Variants in ANHX observed in about 807,000 individuals in gnomAD.
The protein encoded by ANHX is anomalous homeobox.
Under a neutral mutation model 38.9 loss-of-function variants are expected in ANHX, and 20 were observed. That is an observed-to-expected ratio of 0.51 (90% confidence interval 0.36 to 0.75). The LOEUF (loss-of-function observed/expected upper bound fraction) is 0.75. ANHX is among the 30% of genes least tolerant of loss of function. The probability of loss-of-function intolerance (pLI) is 0.00; values close to 1 mark genes in which losing one functional copy is unlikely to be tolerated. For missense variants in ANHX, 475 were observed against 493.1 expected, an observed-to-expected ratio of 0.96 and a Z score of 0.35; for synonymous variants, 185 against 203.1, an observed-to-expected ratio of 0.91 and a Z score of 0.76.
At chr12:133,224,345 T>C (rs1330062416) in intron 7 of ANHX, among the ~76,000 whole-genome samples, 1 of 152,194 alleles carries the variant, frequency 6.6e-6, no homozygotes, top group Non-Finnish European at 1.5e-5. Context: ...AGAAAAGATG[T>C]ATATACCCAT....
chr12:133,224,931 C>T (rs1414750263), intron 7 of ANHX, among the ~76,000 whole-genome samples: 4 of 145,394 alleles, frequency 2.8e-5, no homozygotes, highest in Admixed American at 2.1e-4. Context: ...CACGCCACTG[C>T]ACTCCAGCCT....
chr12:133,224,704 G>A (rs193036268), intron 7 of ANHX, among the ~76,000 whole-genome samples: 318 of 145,516 alleles, frequency 2.2e-3, no homozygotes, highest in African/African-American at 7.4e-3. Context: ...GGTGGCTCAC[G>A]CCTGTAATCC....
intron 8 of ANHX, among the ~76,000 whole-genome samples, chr12:133,219,945 T>C (rs1422420015): frequency 6.6e-6 from 1 of 152,030 alleles, no homozygotes; most frequent in East Asian, 1.9e-4. Flanking sequence ...ATCCAAAACA[T>C]GGTGACTCTC....
At chr12:133,229,615 G>A (rs1593969974) in intron 3 of ANHX, among the ~76,000 whole-genome samples, 1 of 152,018 alleles carries the variant, frequency 6.6e-6, no homozygotes, top group African/African-American at 2.4e-5. Context: ...CCCCAGCCAC[G>A]ATCCCAGCCC....
At chr12:133,234,077 T>C in intron 2 of ANHX, 31 bp downstream of exon 2, 1 of 1,532,106 alleles carries the variant, frequency 6.5e-7, no homozygotes, top group Non-Finnish European at 8.7e-7. Context: ...GCTACCTCTC[T>C]CTGTACCCTA....
chr12:133,234,670 G>A (rs1276292880), intron 1 of ANHX: 2 of 356,366 alleles, frequency 5.6e-6, no homozygotes, highest in Admixed American at 9.0e-5. Flanking sequence ...GGCTCAGTAG[G>A]GTAGGGACCT....
chr12:133,227,930 G>C lies in ANHX; in HGVS notation c.395C>G (p.Ser132Cys), dbSNP rs1274565856. 1.5e-6 allele frequency: 1 copy of C among 657,860 alleles called. No individual in the cohort carries two copies. 40.8% of individuals were successfully genotyped at this position (657,860 alleles called of 1,614,324 possible). Residue 132 changes from serine (S) to cysteine (C), a missense_variant, in exon 4 of 10, where the codon TCC (serine) becomes TGC (cysteine). Transcript: ENST00000545940. ...GCTCTTCAGCCCCTCTGGGCAGAGG[G>C]AGGGGGGCGGGGGGTTCCTGGGTAA... ...RCRKRNPPPP[S>C]LCPEGLKSRN...
At chr12:133,222,327 T>C (rs1207253365) in intron 7 of ANHX, among the ~76,000 whole-genome samples, 4 of 152,116 alleles carry the variant, frequency 2.6e-5, no homozygotes, top group Non-Finnish European at 5.9e-5. Context: ...CCCATGGTGA[T>C]GGGGTGTCTG....
chr12:133,220,100 G>A (rs775841656), intron 8 of ANHX, among the ~76,000 whole-genome samples: 18 of 152,148 alleles, frequency 1.2e-4, no homozygotes, highest in Non-Finnish European at 1.2e-4. Flanking sequence ...AGGGAGAGGC[G>A]AAAGGCAGGA....
At chr12:133,224,808 T>C (rs1329452795) in intron 7 of ANHX, among the ~76,000 whole-genome samples, 1 of 139,044 alleles carries the variant, frequency 7.2e-6, no homozygotes, top group Non-Finnish European at 1.5e-5. Context: ...TACTAAAAAG[T>C]ACAAAAAAAT....
chr12:133,231,945 A>G (rs1225847125), intron 2 of ANHX, among the ~76,000 whole-genome samples: 1 of 152,058 alleles, frequency 6.6e-6, no homozygotes, highest in Non-Finnish European at 1.5e-5. Context: ...CCTTCCTTTA[A>G]ACCTTCAACC....
intron 8 of ANHX, among the ~76,000 whole-genome samples, chr12:133,219,921 A>C (rs1026747791): frequency 6.6e-6 from 1 of 152,150 alleles, no homozygotes; most frequent in African/African-American, 2.4e-5. Flanking sequence ...AGAGAGAGAA[A>C]GAACTGTTCA....
rs910821773 is a variant in ANHX at position 133,232,831 on chromosome 12, G to A, written c.250-1187C>T. Among the ~76,000 whole-genome samples the A allele has an allele frequency of 6.6e-5, 10 of 152,294 alleles. No individual in the cohort carries two copies. In the East Asian group the frequency reaches 1.7e-3, roughly 26 times the overall value. ...CCTGGAGCCCTGCTAGGTTCTAGGT[G>A]TCGTGCTGTGTGTCAGCCAATCTTG... On this transcript the variant is annotated intron_variant, in intron 2 of 9. Transcript: ENST00000545940.
chr12:133,219,188 C>A, intron 9 of ANHX, 95 bp downstream of exon 9: 1 of 1,179,452 alleles, frequency 8.5e-7, no homozygotes, highest in South Asian at 1.3e-5. Flanking sequence ...CTGGTGTATT[C>A]ACTCCAGTGG....
At chr12:133,219,239 A>G in intron 9 of ANHX, 44 bp downstream of exon 9, 1 of 1,479,864 alleles carries the variant, frequency 6.8e-7, no homozygotes, top group Non-Finnish European at 9.1e-7. Context: ...CTGCAGATCC[A>G]GGAGTAAAGA....
chr12:133,220,226 G>A (rs902044658), intron 8 of ANHX, among the ~76,000 whole-genome samples: 1 of 152,124 alleles, frequency 6.6e-6, no homozygotes, highest in Non-Finnish European at 1.5e-5. Context: ...CCTCAATGAA[G>A]CCACTTTTAA....
chr12:133,225,816 A>C lies in ANHX; in HGVS notation c.852T>G (p.Gly284=), dbSNP rs897098770. Residue 284 remains glycine (G), a synonymous_variant, in exon 7 of 10, where the codon GGT becomes GGG. Coordinates refer to ENST00000545940, the MANE Select transcript of ANHX (RefSeq NM_001372060.1). ...SKPLDVRSLP[G]GEMYQEGPGH... is the part of the protein sequence containing the mutation. ...CAGGCCCCTCCTGGTACATCTCGCC[A>C]CCTGGCAGAGACCTGGGGGACATGG... Among the ~76,000 whole-genome samples, 12 of 152,028 alleles carry C rather than the reference A, an allele frequency of 7.9e-5. No individual in the cohort carries two copies. The highest frequency in any genetic ancestry group is 2.4e-4 in the African/African-American group (10 of 41,386).
rs1297856049 is a variant in ANHX, at chr12:133,224,695, G to A, written c.1132+841C>T. ...AAAAAAAAAAAAAATGCTGGGCGTG[G>A]TGGCTCACGCCTGTAATCCCAGCAC... On this transcript the variant is annotated intron_variant, in intron 7 of 9. Coordinates refer to ENST00000545940, the MANE Select transcript of ANHX (RefSeq NM_001372060.1). Among the ~76,000 whole-genome samples, 6 of 149,668 alleles carry A rather than the reference G, an allele frequency of 4.0e-5. No individual in the cohort carries two copies. In the South Asian group the frequency reaches 1.0e-3, roughly 26 times the overall value.
At position 133,227,167 on chromosome 12, in the gene ANHX, C is replaced by T; in HGVS notation, c.502-15G>A. The T allele has an allele frequency of 6.5e-7, 1 of 1,529,556 alleles. No homozygotes were observed. Among genetic ancestry groups the T allele is most frequent in the Non-Finnish European group, 8.7e-7 (1 of 1,142,910 alleles). 94.7% of individuals were successfully genotyped at this position (1,529,556 alleles called of 1,614,324 possible). A position where few individuals can be genotyped will look rare whatever the true frequency, so the allele number is the denominator to read the frequency against. On this transcript the variant is annotated splice_polypyrimidine_tract_variant and intron_variant, in intron 4 of 9. Coordinates refer to ENST00000545940, the MANE Select transcript of ANHX (RefSeq NM_001372060.1). The stretch of plus-strand genomic sequence containing the variant: ...GCCAAGTTCTCCTGCCCCCAAACAA[C>T]AAGACTTCTAGCCCTGCTTCCATTC...
Sources: allele counts gnomAD v4.1 joint callset (sites outside exome capture counted in the v4.1 genomes callset), GRCh38; gene constraint gnomAD v4.1.1; transcripts MANE v1.5; gene names NCBI Gene and HGNC (gene_info 2026-07-23, HGNC 2026-07-21).